Variants in CCDC158 observed in about 807,000 individuals in gnomAD.
The protein encoded by CCDC158 is coiled-coil domain containing 158.
CCDC158 carries 116 observed loss-of-function variants against 138.6 expected under a neutral mutation model. The ratio of observed to expected loss-of-function variants is 0.84; its 90% CI spans 0.72 to 0.98. CCDC158 has a LOEUF of 0.98. Among genes scored for constraint, CCDC158 ranks in the 50% least tolerant of loss-of-function variants. CCDC158 has a pLI of 0.00. For missense variants in CCDC158, 1,265 were observed against 1,306.1 expected (o/e 0.97, Z 0.48); for synonymous variants, 436 against 442.4 (o/e 0.99, Z 0.18).
chr4:76,391,267 T>C (rs1425287757), intron 4 of CCDC158, among the ~76,000 whole-genome samples: 1 of 152,022 alleles, frequency 6.6e-6, no homozygotes, highest in East Asian at 1.9e-4. Flanking sequence ...GGAGAGACTA[T>C]ACATTAGGTC....
chr4:76,357,827 C>T (rs188420403), intron 13 of CCDC158, among the ~76,000 whole-genome samples: 142 of 152,078 alleles, frequency 9.3e-4, no homozygotes, highest in Admixed American at 2.2e-3. Context: ...CTTGGATGAC[C>T]GTGTTCACTA....
chr4:76,345,000 T>C lies in CCDC158; in HGVS notation c.2664+5996A>G, dbSNP rs1243249335. 35 of 1,424,268 alleles carry C rather than the reference T, an allele frequency of 2.5e-5. No homozygotes were observed. The East Asian group carries it at 8.0e-4, about 32-fold the overall frequency. The allele number at this position is 1,424,268 out of a possible 1,614,324, so 88.2% of individuals were successfully genotyped here. A position where few individuals can be genotyped will look rare whatever the true frequency, so the allele number is the denominator to read the frequency against. On this transcript the variant is annotated intron_variant, in intron 18 of 24. Coordinates refer to ENST00000682701, the MANE Select transcript of CCDC158 (RefSeq NM_001394954.1). ...GGAGTTAGGGAGGTAGATGACTTCT[T>C]TGAGCAAGAGAAGAACTTCCTTACT...
At chr4:76,352,725 A>G (rs1723169862) in intron 16 of CCDC158, 1 of 155,098 alleles carries the variant, frequency 6.4e-6, no homozygotes, top group Non-Finnish European at 1.4e-5. Flanking sequence ...GCCAGCCATT[A>G]GCATTACTTT....
chr4:76,362,253 C>T lies in CCDC158; in HGVS notation c.1893G>A (p.Glu631=), dbSNP rs1334218331. The stretch of plus-strand genomic sequence containing the variant: ...CATTCACCAGCTTCACCTTTTCCAG[C>T]TCCAAGTCACTCACTCTGGCCTCAA... The part of the protein sequence containing the change: ...RELEARVSDL[E]LEKVKLVNAG... The change falls in exon 13 of 25, where the codon GAG becomes GAA. Residue 631 remains glutamate (E), a synonymous_variant. Transcript: ENST00000682701. The T allele has an allele frequency of 6.2e-7, 1 of 1,614,160 alleles. No homozygotes were observed. The highest frequency in any genetic ancestry group is 8.5e-7 in the Non-Finnish European group (1 of 1,180,026).
In CCDC158 at chr4:76,382,614, T is replaced by A; in HGVS notation, c.910A>T (p.Ile304Phe). 1 of 1,592,074 alleles carries A rather than the reference T, an allele frequency of 6.3e-7. No individual in the cohort carries two copies. The highest frequency in any genetic ancestry group is 8.6e-7 in the Non-Finnish European group (1 of 1,160,580). ...TAACAGTTTCAAACCACATACTGAA[T>A]GATTTCCATTTGACTCTGGATACTA... is the stretch of plus-strand genomic sequence containing the variant. ...ANSIQSQMEI[I>F]QEQARNQNSM... The change falls in exon 8 of 25, where the codon ATT becomes TTT. Residue 304 changes from isoleucine (I) to phenylalanine (F), a missense_variant. Transcript: ENST00000682701.
At chr4:76,374,679 A>C (rs1279185414) in intron 9 of CCDC158, among the ~76,000 whole-genome samples, 3 of 151,598 alleles carry the variant, frequency 2.0e-5, no homozygotes, top group African/African-American at 7.3e-5. Flanking sequence ...AATTAATCAT[A>C]TGATTAAAAT....
intron 1 of CCDC158, among the ~76,000 whole-genome samples, chr4:76,419,278 T>C (rs952500963): frequency 2.0e-5 from 3 of 152,198 alleles, no homozygotes. Flanking sequence ...CAGATAAATA[T>C]ACAGTGATCT....
In CCDC158 at chr4:76,419,602, T is replaced by C. The variant is rs978717739; in HGVS notation, c.-117+1363A>G. ...TGGTTGCCAGGCATTTGGTGACTTG[T>C]GGCCACATCACTCCAATATCTGCCT... On this transcript the variant is annotated intron_variant, in intron 1 of 24. Coordinates refer to ENST00000682701, the MANE Select transcript of CCDC158 (RefSeq NM_001394954.1). Among the ~76,000 whole-genome samples, 5 of 152,226 alleles carry C rather than the reference T, an allele frequency of 3.3e-5. No individual in the cohort carries two copies. The East Asian group carries it at 9.7e-4, about 29-fold the overall frequency.
intron 4 of CCDC158, among the ~76,000 whole-genome samples, chr4:76,387,936 C>A (rs1258585833): frequency 6.6e-6 from 1 of 151,994 alleles, no homozygotes; most frequent in East Asian, 1.9e-4. Context: ...TCATTTGAAC[C>A]CGGGAGGGAG....
rs139472515 is a variant in CCDC158, at chr4:76,315,402, A to G, written c.3278-2156T>C. 1.2e-3 allele frequency among the ~76,000 whole-genome samples: 176 copies of G among 152,190 alleles called. 1 individual carries two copies. Among genetic ancestry groups the G allele is most frequent in the East Asian group, 9.1e-3 (47 of 5,176 alleles). ...CCCTGCACATCACCCGATAAACCCA[A>G]ATACTTATCCTGGCCAACTTAGGGC... On this transcript the variant is annotated intron_variant, in intron 24 of 24. Coordinates refer to ENST00000682701, the MANE Select transcript of CCDC158 (RefSeq NM_001394954.1).
In CCDC158 at chr4:76,419,522, C is replaced by G. The variant is rs184153318; in HGVS notation, c.-117+1443G>C. On this transcript the variant is annotated intron_variant, in intron 1 of 24. Coordinates refer to ENST00000682701, the MANE Select transcript of CCDC158 (RefSeq NM_001394954.1). ...AAGCATGGTGTTGGCAGGGCTCCCT[C>G]CCTCCCTCTGGAGGCTCTGCAAGAG... Among the ~76,000 whole-genome samples, 62 of 152,300 alleles carry G rather than the reference C, an allele frequency of 4.1e-4. No homozygotes were observed. The East Asian group carries it at 9.5e-3, about 23-fold the overall frequency.
chr4:76,334,026 C>A lies in CCDC158; in HGVS notation c.2806G>T (p.Ala936Ser). The change falls in exon 19 of 25, where the codon GCC becomes TCC. Residue 936 changes from alanine to serine, a missense_variant. Transcript: ENST00000682701. ...CAGCCTTACACAGCCACATACAAGGCTCCCAGAGATGTTCTTCCATCTTCC... is the reference window on the plus strand; with the variant it reads ...CAGCCTTACACAGCCACATACAAGGATCCCAGAGATGTTCTTCCATCTTCC... ...TEEDGRTSLG[A>S]LYVAVEDRVR... The A allele has an allele frequency of 2.5e-6, 4 of 1,611,702 alleles. No individual in the cohort carries two copies. Among genetic ancestry groups the A allele is most frequent in the Non-Finnish European group, 3.4e-6 (4 of 1,178,588 alleles).
intron 23 of CCDC158, among the ~76,000 whole-genome samples, 184 bp downstream of exon 23, chr4:76,325,673 A>T (rs895925029): frequency 1.2e-4 from 18 of 152,264 alleles, no homozygotes; most frequent in African/African-American, 4.3e-4. Flanking sequence ...ATGTACATTT[A>T]CTAAGGCTTG....
intron 9 of CCDC158, chr4:76,375,847 T>G (rs189382870): frequency 3.6e-5 from 17 of 473,796 alleles, no homozygotes; most frequent in African/African-American, 3.0e-4. Flanking sequence ...AGAGAAATAT[T>G]AACTTCCAAA....
chr4:76,396,335 T>A lies in CCDC158; in HGVS notation c.222A>T (p.Glu74Asp). 1 of 1,614,058 alleles carries A rather than the reference T, an allele frequency of 6.2e-7. No homozygotes were observed. The highest frequency in any genetic ancestry group is 1.3e-5 in the African/African-American group (1 of 75,050). The change falls in exon 4 of 25, where the codon GAA becomes GAT. Residue 74 changes from glutamate to aspartate, a missense_variant. Coordinates refer to ENST00000682701, the MANE Select transcript of CCDC158 (RefSeq NM_001394954.1). Reference sequence around the variant, plus strand: ...ATTCTTCCAAAACACGTTCAAAGTGTTCCTTTCCAGGAGATGGGATGATTT... The same window carrying A: ...ATTCTTCCAAAACACGTTCAAAGTGATCCTTTCCAGGAGATGGGATGATTT... ...PRKIIPSPGK[E>D]HFERVLEEYS...
chr4:76,364,405 C>G (rs555147021), intron 12 of CCDC158, among the ~76,000 whole-genome samples: 32 of 152,170 alleles, frequency 2.1e-4, no homozygotes, highest in Non-Finnish European at 4.1e-4. Context: ...GCACATGACT[C>G]TGGAGCACCT....
At chr4:76,373,335 A>G (rs977059965) in intron 9 of CCDC158, among the ~76,000 whole-genome samples, 1 of 152,242 alleles carries the variant, frequency 6.6e-6, no homozygotes, top group African/African-American at 2.4e-5. Context: ...AGGTATCTAC[A>G]TTACTATTTT....
chr4:76,358,843 C>T (rs1202962694), intron 13 of CCDC158, among the ~76,000 whole-genome samples: 1 of 152,174 alleles, frequency 6.6e-6, no homozygotes, highest in Non-Finnish European at 1.5e-5. Context: ...CCAGGTTCTA[C>T]CACAGTGTCT....
In CCDC158 at chr4:76,396,520, G is replaced by A. The variant is rs139601086; in HGVS notation, c.71-34C>T. The A allele has an allele frequency of 1.7e-4, 254 of 1,527,278 alleles. 1 individual carries two copies. Among genetic ancestry groups the A allele is most frequent in the East Asian group, 4.3e-4 (19 of 43,932 alleles). The allele number at this position is 1,527,278 out of a possible 1,614,324, so 94.6% of individuals were successfully genotyped here. A position where few individuals can be genotyped will look rare whatever the true frequency, so the allele number is the denominator to read the frequency against. On this transcript the variant is annotated intron_variant, in intron 3 of 24. Coordinates refer to ENST00000682701, the MANE Select transcript of CCDC158 (RefSeq NM_001394954.1). The stretch of plus-strand genomic sequence containing the variant: ...TAAAGAATTCATTAATTAACTTTTC[G>A]TTTTTTTTGAGAAGGAGTTTCACTG...
Sources: gnomAD v4.1 joint callset for allele counts (sites outside exome capture counted in the v4.1 genomes callset) on GRCh38, gnomAD v4.1.1 for gene constraint, MANE v1.5 for transcripts, NCBI Gene and HGNC (gene_info 2026-07-23, HGNC 2026-07-21) for gene names.